AMPD2: variants seen among roughly 807,000 people sequenced by gnomAD.
The protein encoded by AMPD2 is adenosine monophosphate deaminase 2.
Under a neutral mutation model 91.3 loss-of-function variants are expected in AMPD2, and 52 were observed. That is an observed-to-expected ratio of 0.57 (90% CI 0.46 to 0.72). The LOEUF (loss-of-function observed/expected upper bound fraction) is 0.72. Among genes scored for constraint, AMPD2 ranks in the 30% least tolerant of loss-of-function variants. AMPD2 has a pLI of 0.00. For missense variants in AMPD2, 822 were observed against 1,122.3 expected (o/e 0.73, Z 3.82); for synonymous variants, 455 against 456.4 (o/e 1.00, Z 0.04).
rs759801829 is a variant in AMPD2 at position 109,629,158 on chromosome 1, G to C, written c.1621G>C (p.Glu541Gln). 1 of 1,614,086 alleles carries C rather than the reference G, an allele frequency of 6.2e-7. No homozygotes were observed. The highest frequency in any genetic ancestry group is 8.5e-7 in the Non-Finnish European group (1 of 1,180,018). ...GQLANFQEML[E>Q]NIFLPLFEAT... ...GCTGGCCAACTTCCAGGAGATGCTG[G>C]AGAACATCTTCCTGCCACTGTTCGA... Residue 541 changes from glutamate to glutamine, a missense_variant, in exon 14 of 19, where the codon GAG becomes CAG. Glu to Gln is a conservative substitution (Grantham distance 29, BLOSUM62 2). Transcript: ENST00000528667.
At position 109,629,604 on chromosome 1, in the gene AMPD2, G is replaced by C. The variant is rs973687165; in HGVS notation, c.1862+114G>C. 4 of 1,480,828 alleles carry C rather than the reference G, an allele frequency of 2.7e-6. No individual in the cohort carries two copies. The African/African-American group carries it at 5.6e-5, about 21-fold the overall frequency. 91.7% of individuals were successfully genotyped at this position (1,480,828 alleles called of 1,614,324 possible). On this transcript the variant is annotated intron_variant, in intron 15 of 18. Coordinates refer to ENST00000528667, the MANE Select transcript of AMPD2 (RefSeq NM_001368809.2). ...TCTGACCCACCTGTTGCCTGGACTG[G>C]ATGGGTTCTTTCTCTGCCCTTGGAG...
chr1:109,627,257 G>A lies in AMPD2; in HGVS notation c.801G>A (p.Leu267=), dbSNP rs1261696994. Residue 267 remains leucine, a synonymous_variant, in exon 8 of 19, where the codon TTG becomes TTA. Coordinates refer to ENST00000528667, the MANE Select transcript of AMPD2 (RefSeq NM_001368809.2). ...GCACCATGCCTGGGGACCTGGGCTT[G>A]GGTCTGCGCATGGTGCGGGGTGTGG... is the stretch of plus-strand genomic sequence containing the variant. The part of the protein sequence containing the change: ...EPSTMPGDLG[L]GLRMVRGVVH... 3 of 1,611,084 alleles carry A rather than the reference G, an allele frequency of 1.9e-6. No individual in the cohort carries two copies. The highest frequency in any genetic ancestry group is 1.3e-5 in the African/African-American group (1 of 74,882).
Position 109,627,858 on chromosome 1 carries a change from C to A in AMPD2, c.1035C>A (p.Ala345=), listed in dbSNP as rs574448906. ...TACTCAATGAGATGAAGGAGCTGGC[C>A]GCCCAGAAGAAAGTGCCACACCGAG... ...HVLLNEMKEL[A]AQKKVPHRDF... is the part of the protein sequence containing the mutation. Residue 345 remains alanine (A), a synonymous_variant, in exon 10 of 19, where the codon GCC becomes GCA. Transcript: ENST00000528667. 1 of 1,614,042 alleles carries A rather than the reference C, an allele frequency of 6.2e-7. No homozygotes were observed. Among genetic ancestry groups the A allele is most frequent in the African/African-American group, 1.3e-5 (1 of 74,966 alleles).
chr1:109,631,497 G>A lies in AMPD2; in HGVS notation c.*345G>A, dbSNP rs1214987890. The A allele has an allele frequency of 1.8e-5, 7 of 390,146 alleles. No homozygotes were observed. Among genetic ancestry groups the A allele is most frequent in the Non-Finnish European group, 2.4e-5 (5 of 209,344 alleles). The allele number at this position is 390,146 out of a possible 1,614,324, so 24.2% of individuals were successfully genotyped here. On this transcript the variant is annotated 3_prime_UTR_variant, in exon 19 of 19. Transcript: ENST00000528667. ...GGGGGCTGGCCCCTCTAGCCTTTCC[G>A]GTCCTTCCTGGGCAAATCTAAGCCT...
rs765794204 is a variant in AMPD2 at position 109,626,182 on chromosome 1, C to T, written c.376C>T (p.Arg126Trp). The T allele has an allele frequency of 6.2e-6, 10 of 1,614,016 alleles. No homozygotes were observed. Among genetic ancestry groups the T allele is most frequent in the African/African-American group, 5.3e-5 (4 of 74,918 alleles). ...DVKLEPDILLRAKQDFLKTDS... is the reference protein window; with the variant it reads ...DVKLEPDILLWAKQDFLKTDS... ...TAGGCTGGAGCCAGACATCCTGCTT[C>T]GGGCCAAGCAAGATTTCCTGAAGAC... Residue 126 changes from arginine to tryptophan, a missense_variant, in exon 5 of 19, where the codon CGG (arginine) becomes TGG (tryptophan). Coordinates refer to ENST00000528667, the MANE Select transcript of AMPD2 (RefSeq NM_001368809.2).
Position 109,628,235 on chromosome 1 carries a change from C to G in AMPD2, c.1233C>G (p.Leu411=). Residue 411 remains leucine (L), a synonymous_variant, in exon 11 of 19, where the codon CTC becomes CTG. Transcript: ENST00000528667. The surrounding 1 kb of genome is among the most constrained non-coding windows in gnomAD (Gnocchi z 7.1). ...TLREVFESMN[L]TAYDLSVDTL... ...GGGAGGTCTTTGAGAGCATGAATCT[C>G]ACGGCCTACGACCTGAGTGTGGACA... The G allele has an allele frequency of 6.2e-7, 1 of 1,614,004 alleles. No homozygotes were observed.
At chr1:109,629,043 C>A in intron 13 of AMPD2, 66 bp from the exon 14 acceptor site, 1 of 1,591,056 alleles carries the variant, frequency 6.3e-7, no homozygotes, top group Non-Finnish European at 8.6e-7. Flanking sequence ...CTGACCCTTG[C>A]TGGACCGCTG....
At position 109,624,772 on chromosome 1, in the gene AMPD2, A is replaced by G. The variant is rs537612269; in HGVS notation, c.92-531A>G. 9.9e-5 allele frequency among the ~76,000 whole-genome samples: 15 copies of G among 152,240 alleles called. No homozygotes were observed. The East Asian group carries it at 2.9e-3, about 30-fold the overall frequency. ...GGCTTCTCTTGTGCTGCACAGGTCT[A>G]GGATGTCAGGCACAGGGCCCTGCCC... On this transcript the variant is annotated intron_variant, in intron 2 of 18. Coordinates refer to ENST00000528667, the MANE Select transcript of AMPD2 (RefSeq NM_001368809.2). This position sits in a 1 kb window ranked among gnomAD's most constrained non-coding sequence, Gnocchi z 5.2.
Position 109,625,763 on chromosome 1 carries a change from G to C in AMPD2, c.324G>C (p.Arg108=). ...PIEQLEERRQ[R]LERQISQDVK... ...AACAGCTGGAGGAGCGGCGGCAGCG[G>C]CTGGAGCGGCAGATCAGCCAGGATG... is the stretch of plus-strand genomic sequence containing the variant. The change falls in exon 4 of 19, where the codon CGG becomes CGC. Residue 108 remains arginine (R), a synonymous_variant. Coordinates refer to ENST00000528667, the MANE Select transcript of AMPD2 (RefSeq NM_001368809.2). The surrounding 1 kb of genome is among the most constrained non-coding windows in gnomAD (Gnocchi z 4.0). 1 of 1,614,078 alleles carries C rather than the reference G, an allele frequency of 6.2e-7. No homozygotes were observed. The highest frequency in any genetic ancestry group is 8.5e-7 in the Non-Finnish European group (1 of 1,180,020).
Position 109,630,775 on chromosome 1 carries a change from G to A in AMPD2, c.2250G>A (p.Met750Ile), listed in dbSNP as rs780762386. 2 of 1,610,004 alleles carry A rather than the reference G, an allele frequency of 1.2e-6. No homozygotes were observed. The change falls in exon 18 of 19, where the codon ATG becomes ATA. Residue 750 changes from methionine to isoleucine, a missense_variant. By Grantham distance (10) the Met-to-Ile change is conservative. Coordinates refer to ENST00000528667, the MANE Select transcript of AMPD2 (RefSeq NM_001368809.2). ...MCELARNSVL[M>I]SGFSHKVKSH... ...AGCTGGCCCGCAACAGCGTGCTCAT[G>A]AGCGGCTTCTCGCACAAGGTACTAC... is the stretch of plus-strand genomic sequence containing the variant.
intron 1 of AMPD2, 100 bp downstream of exon 1, chr1:109,620,378 C>T: frequency 6.5e-7 from 1 of 1,545,994 alleles, no homozygotes; most frequent in South Asian, 1.2e-5. Context: ...GCAGCAGGAC[C>T]TAGGGAAGGC....
chr1:109,626,809 G>A lies in AMPD2; in HGVS notation c.615G>A (p.Leu205=). 1 of 1,613,866 alleles carries A rather than the reference G, an allele frequency of 6.2e-7. No individual in the cohort carries two copies. Among genetic ancestry groups the A allele is most frequent in the African/African-American group, 1.3e-5 (1 of 75,014 alleles). ...FIREKYMALS[L]QSFCPTTRRY... ...GGGAGAAGTACATGGCCCTGTCCCTGCAGAGCTTCTGCCCCACCACCCGCC... is the reference window on the plus strand; with the variant it reads ...GGGAGAAGTACATGGCCCTGTCCCTACAGAGCTTCTGCCCCACCACCCGCC... Residue 205 remains leucine (L), a synonymous_variant, in exon 7 of 19, where the codon CTG becomes CTA. Transcript: ENST00000528667.
intron 15 of AMPD2, 132 bp from the exon 16 acceptor site, chr1:109,629,664 C>T: frequency 1.4e-6 from 2 of 1,459,784 alleles, no homozygotes; most frequent in Non-Finnish European, 1.9e-6. Flanking sequence ...AGTAATCTAC[C>T]CCTGTCCCCC....
chr1:109,630,436 G>C (rs770137992), intron 17 of AMPD2, 30 bp downstream of exon 17: 1 of 1,608,884 alleles, frequency 6.2e-7, no homozygotes, highest in African/African-American at 1.3e-5. Context: ...CCAGGCGGGC[G>C]GGCGTCCCAG....
chr1:109,630,863 C>T, intron 18 of AMPD2, 70 bp downstream of exon 18: 2 of 1,598,192 alleles, frequency 1.3e-6, no homozygotes, highest in African/African-American at 1.3e-5. Flanking sequence ...GGGTCCTGAC[C>T]TGTCCCTGGG....
At position 109,628,016 on chromosome 1, in the gene AMPD2, T is replaced by A. The variant is rs1471289518; in HGVS notation, c.1081-67T>A. The A allele has an allele frequency of 6.3e-7, 1 of 1,596,970 alleles. No individual in the cohort carries two copies. Among genetic ancestry groups the A allele is most frequent in the African/African-American group, 1.3e-5 (1 of 74,670 alleles). On this transcript the variant is annotated intron_variant, in intron 10 of 18. Coordinates refer to ENST00000528667, the MANE Select transcript of AMPD2 (RefSeq NM_001368809.2). The surrounding 1 kb of genome is among the most constrained non-coding windows in gnomAD (Gnocchi z 7.1). ...ATCCAGTACAGAGGGTCCTTTCCCA[T>A]TGCACTGCCCCAGGCCCCAGACCTT...
intron 1 of AMPD2, 40 bp from the exon 2 acceptor site, chr1:109,620,874 C>T: frequency 6.9e-7 from 1 of 1,441,052 alleles, no homozygotes; most frequent in Non-Finnish European, 9.1e-7. Flanking sequence ...GGCCCTTCCC[C>T]ATCTTCTTTT....
intron 2 of AMPD2, chr1:109,622,310 A>G (rs928065202): frequency 2.2e-6 from 1 of 456,144 alleles, no homozygotes; most frequent in African/African-American, 2.0e-5. Context: ...AGGGCAACTG[A>G]TACGGATCTA....
chr1:109,630,852 G>A, intron 18 of AMPD2, 59 bp downstream of exon 18: 2 of 1,594,568 alleles, frequency 1.3e-6, no homozygotes, highest in Non-Finnish European at 1.7e-6. Context: ...CTCTGCATTT[G>A]GGGTCCTGAC....
Sources: allele counts gnomAD v4.1 joint callset (sites outside exome capture counted in the v4.1 genomes callset), GRCh38; gene constraint gnomAD v4.1.1; non-coding constraint Gnocchi (gnomAD v3.1); transcripts MANE v1.5; gene names NCBI Gene and HGNC (gene_info 2026-07-23, HGNC 2026-07-21).